The following RAD51B variants were observed in gnomAD, a reference collection of about 807,000 sequenced individuals.
RAD51B encodes RAD51 paralog B.
A neutral mutation model predicts 42.2 loss-of-function variants in RAD51B; 38 were observed. That is an observed-to-expected ratio of 0.90 (90% CI 0.70 to 1.18). The LOEUF is 1.18. Ranked by LOEUF, RAD51B falls within the 50% of genes most tolerant of loss-of-function variation. The pLI is 0.00. For missense variants in RAD51B, 373 were observed against 400.7 expected, an observed-to-expected ratio of 0.93 and a Z score of 0.59; for synonymous variants, 154 against 145.2, an observed-to-expected ratio of 1.06 and a Z score of -0.43.
chr14:67,867,115 A>G lies in RAD51B; in HGVS notation c.452+1976A>G, dbSNP rs577518433. ...ATGAATGCTCTCCGATATATATGCC[A>G]GATTTGGCATTCTTATACTACCTTC... On this transcript the variant is annotated intron_variant, in intron 5 of 10. Coordinates refer to ENST00000471583, the MANE Select transcript of RAD51B (RefSeq NM_133510.4). Among the ~76,000 whole-genome samples, 7 of 152,314 alleles carry G rather than the reference A, an allele frequency of 4.6e-5. No homozygotes were observed. In the East Asian group the frequency reaches 1.4e-3, roughly 29 times the overall value.
At chr14:67,821,509 G>A (rs993033642) in intron 1 of RAD51B, among the ~76,000 whole-genome samples, 1 of 152,242 alleles carries the variant, frequency 6.6e-6, no homozygotes, top group African/African-American at 2.4e-5. Context: ...CCAGGCTAGA[G>A]TGCAGTGGCA....
intron 7 of RAD51B, among the ~76,000 whole-genome samples, chr14:68,075,187 A>G (rs1356624974): frequency 5.9e-5 from 9 of 152,156 alleles, no homozygotes; most frequent in Admixed American, 5.9e-4. Flanking sequence ...CCAAGCCAGG[A>G]AGGCTTGCCT....
At chr14:67,894,792 T>C (rs1420919882) in intron 7 of RAD51B, among the ~76,000 whole-genome samples, 1 of 152,184 alleles carries the variant, frequency 6.6e-6, no homozygotes, top group African/African-American at 2.4e-5. Flanking sequence ...TTTTTCTTTT[T>C]ATTTTTTGAG....
intron 7 of RAD51B, among the ~76,000 whole-genome samples, chr14:67,984,420 A>C (rs2075148502): frequency 1.3e-5 from 2 of 152,122 alleles, no homozygotes; most frequent in Admixed American, 1.3e-4. Flanking sequence ...CTAACCTTTC[A>C]AAGATTCCTC....
At chr14:67,908,138 G>A (rs2043840194) in intron 7 of RAD51B, among the ~76,000 whole-genome samples, 1 of 152,126 alleles carries the variant, frequency 6.6e-6, no homozygotes, top group South Asian at 2.1e-4. Context: ...TCAACTTTGA[G>A]GATACATAGG....
rs576226828 is a variant in RAD51B, at chr14:67,929,802, C to CTT, written c.756+42607_756+42608dup. ...ATATAATGACCTTGTCTTTCTGTGTCTTTTTTTTTTGTGTTTTTTTGTTTT... is the reference window on the plus strand; with the variant it reads ...ATATAATGACCTTGTCTTTCTGTGTCTTTTTTTTTTTTGTGTTTTTTTGTTTT... On this transcript the variant is annotated intron_variant, in intron 7 of 10. Coordinates refer to ENST00000471583, the MANE Select transcript of RAD51B (RefSeq NM_133510.4). 8.2e-4 allele frequency among the ~76,000 whole-genome samples: 117 copies of CTT among 142,920 alleles called. 1 individual carries two copies. The highest frequency in any genetic ancestry group is 3.0e-3 in the African/African-American group (115 of 38,766). 93.8% of individuals were successfully genotyped at this position (142,920 alleles called of 152,430 possible). A position where few individuals can be genotyped will look rare whatever the true frequency, so the allele number is the denominator to read the frequency against.
chr14:68,256,365 G>C (rs1485819954), intron 7 of RAD51B, among the ~76,000 whole-genome samples: 1 of 152,170 alleles, frequency 6.6e-6, no homozygotes, highest in Non-Finnish European at 1.5e-5. Flanking sequence ...TCGGGTGTCT[G>C]TAGTCACCCA....
At chr14:68,153,030 C>T (rs1308168406) in intron 7 of RAD51B, among the ~76,000 whole-genome samples, 1 of 152,052 alleles carries the variant, frequency 6.6e-6, no homozygotes, top group Non-Finnish European at 1.5e-5. Flanking sequence ...GATTCCATGT[C>T]CTTGCTATTA....
intron 9 of RAD51B, among the ~76,000 whole-genome samples, chr14:68,432,715 T>C (rs1179213033): frequency 7.9e-5 from 12 of 152,352 alleles, no homozygotes; most frequent in African/African-American, 2.6e-4. Context: ...AACTTGCCAG[T>C]CTGTGTCTTT....
At chr14:68,370,130 C>T (rs1046512956) in intron 8 of RAD51B, among the ~76,000 whole-genome samples, 1 of 152,200 alleles carries the variant, frequency 6.6e-6, no homozygotes, top group Admixed American at 6.5e-5. Flanking sequence ...TGCTTAAGCT[C>T]ATCACCAAGG....
At chr14:68,556,710 T>C (rs921448647) in intron 10 of RAD51B, among the ~76,000 whole-genome samples, 1 of 152,162 alleles carries the variant, frequency 6.6e-6, no homozygotes, top group African/African-American at 2.4e-5. Flanking sequence ...CTGAAAATAT[T>C]TGCAGTTACA....
chr14:68,196,627 T>G (rs983488290), intron 7 of RAD51B, among the ~76,000 whole-genome samples: 1 of 152,172 alleles, frequency 6.6e-6, no homozygotes, highest in Non-Finnish European at 1.5e-5. Context: ...CCTCTTTTTA[T>G]TCACTGTATT....
chr14:68,108,914 T>C (rs2077418422), intron 7 of RAD51B, among the ~76,000 whole-genome samples: 1 of 151,962 alleles, frequency 6.6e-6, no homozygotes. Context: ...TCAACCTTTA[T>C]TGTCTATGAG....
chr14:68,621,675 G>C (rs572472527), intron 10 of RAD51B, among the ~76,000 whole-genome samples: 1 of 152,332 alleles, frequency 6.6e-6, no homozygotes, highest in African/African-American at 2.4e-5. Context: ...CTTCAGGCTG[G>C]AGCTTTCTCC....
chr14:68,668,209 A>C (rs1893072809), intron 11 of RAD51B, among the ~76,000 whole-genome samples: 1 of 152,174 alleles, frequency 6.6e-6, no homozygotes, highest in Admixed American at 6.5e-5. Context: ...ACTTCCTCGA[A>C]GCAGCCACAT....
chr14:68,002,443 G>C (rs1453652830), intron 7 of RAD51B, among the ~76,000 whole-genome samples: 3 of 152,060 alleles, frequency 2.0e-5, no homozygotes, highest in Non-Finnish European at 4.4e-5. Context: ...ACCTTTGTCA[G>C]ACAGATATAT....
intron 10 of RAD51B, among the ~76,000 whole-genome samples, chr14:68,601,244 G>C (rs907725815): frequency 1.3e-5 from 2 of 152,014 alleles, no homozygotes; most frequent in African/African-American, 4.8e-5. Flanking sequence ...TTTTTGGTGG[G>C]GGGGTGGGTC....
chr14:67,979,989 T>C (rs2075061699), intron 7 of RAD51B, among the ~76,000 whole-genome samples: 1 of 152,236 alleles, frequency 6.6e-6, no homozygotes, highest in Non-Finnish European at 1.5e-5. Context: ...TACTGAAGTC[T>C]GTACTTCATC....
intron 7 of RAD51B, among the ~76,000 whole-genome samples, chr14:68,222,309 TGTG>T (rs1270621248): frequency 6.6e-6 from 1 of 152,082 alleles, no homozygotes; most frequent in Non-Finnish European, 1.5e-5. Context: ...TACAAGGAAA[TGTG>T]GTATATGTAT....
Sources: allele counts gnomAD v4.1 joint callset (sites outside exome capture counted in the v4.1 genomes callset), GRCh38; gene constraint gnomAD v4.1.1; transcripts MANE v1.5; gene names NCBI Gene and HGNC (gene_info 2026-07-23, HGNC 2026-07-21).